The following CLIC5 variants were observed in gnomAD, a reference collection of about 807,000 sequenced individuals.
CLIC5 encodes CLIC family member 5, also known as chloride intracellular channel protein 5.
A neutral mutation model predicts 24.7 loss-of-function variants in CLIC5; 20 were observed. That is an observed-to-expected ratio of 0.81 (90% CI 0.57 to 1.18). CLIC5 has a LOEUF of 1.18. CLIC5 is among the 50% of genes most tolerant of loss of function. The pLI, the probability that CLIC5 is intolerant of heterozygous loss-of-function variation, is 0.00. For synonymous variants in CLIC5, 159 were observed against 135.6 expected (o/e 1.17, Z -1.20); for missense variants, 341 against 326.1 (o/e 1.05, Z -0.35).
At position 45,983,019 on chromosome 6, in the gene CLIC5, A is replaced by C. The variant is rs7760252; in HGVS notation, c.64-27775T>G. Reference sequence around the variant, plus strand: ...TTACTAAGGCTGGTTGCCTACTTTTATGAGCTGCACAGGGAAAAGGCCACA... The same window carrying C: ...TTACTAAGGCTGGTTGCCTACTTTTCTGAGCTGCACAGGGAAAAGGCCACA... On this transcript the variant is annotated intron_variant, in intron 1 of 5. Transcript: ENST00000339561. 6.4e-3 allele frequency among the ~76,000 whole-genome samples: 968 copies of C among 152,332 alleles called. 10 individuals are homozygous for C. Among genetic ancestry groups the C allele is most frequent in the African/African-American group, 0.022 (895 of 41,572 alleles).
At chr6:46,011,458 G>A (rs1766806571) in intron 1 of CLIC5, among the ~76,000 whole-genome samples, 2 of 152,190 alleles carry the variant, frequency 1.3e-5, no homozygotes, top group East Asian at 1.9e-4. Context: ...TTGTTTCAGG[G>A]TCCCACCCAC....
intron 5 of CLIC5, 61 bp downstream of exon 5, chr6:45,914,167 G>A: frequency 5.0e-6 from 7 of 1,387,690 alleles, no homozygotes; most frequent in Non-Finnish European, 6.7e-6. Context: ...CATCCACACA[G>A]GTGACCTGGG....
intron 4 of CLIC5, among the ~76,000 whole-genome samples, chr6:45,939,179 C>T (rs2127363315): frequency 6.6e-6 from 1 of 151,564 alleles, no homozygotes; most frequent in South Asian, 2.1e-4. Flanking sequence ...CTTCACATGG[C>T]CTTCTCTCCT....
intron 1 of CLIC5, among the ~76,000 whole-genome samples, chr6:45,995,460 T>C (rs1766098977): frequency 6.6e-6 from 1 of 152,202 alleles, no homozygotes; most frequent in Admixed American, 6.5e-5. Flanking sequence ...CACAGTGTGA[T>C]CTGCTTTACG....
At chr6:46,062,434 A>G (rs1272236842) in intron 1 of CLIC5, among the ~76,000 whole-genome samples, 1 of 152,206 alleles carries the variant, frequency 6.6e-6, no homozygotes, top group Non-Finnish European at 1.5e-5. Flanking sequence ...TATTTATTTA[A>G]GCTGTTGCCA....
intron 1 of CLIC5, among the ~76,000 whole-genome samples, chr6:46,046,336 C>T (rs1436832876): frequency 1.3e-5 from 2 of 152,156 alleles, no homozygotes; most frequent in East Asian, 3.8e-4. Flanking sequence ...ACAGTAAAAT[C>T]AACAGCAAAA....
the CLIC5 span, among the ~76,000 whole-genome samples, chr6:46,087,731 T>C: frequency 6.6e-6 from 1 of 152,216 alleles, no homozygotes; most frequent in East Asian, 1.9e-4. Context: ...AACCTGCTGA[T>C]ACCTGATATC....
chr6:45,923,015 C>T (rs1763336699), intron 4 of CLIC5, among the ~76,000 whole-genome samples: 1 of 152,078 alleles, frequency 6.6e-6, no homozygotes, highest in African/African-American at 2.4e-5. Flanking sequence ...CAAAAAACTC[C>T]CCAAAAACCT....
At chr6:45,917,342 G>A (rs1273693342) in intron 4 of CLIC5, among the ~76,000 whole-genome samples, 4 of 152,188 alleles carry the variant, frequency 2.6e-5, no homozygotes, top group Non-Finnish European at 5.9e-5. Flanking sequence ...ATTAATGGTA[G>A]TTGTTGCTAT....
In CLIC5 at chr6:45,886,585, AGCCAAGTGC is replaced by A. The variant is rs1330399534; in HGVS notation, c.624-5406_624-5398del. 4.6e-5 allele frequency among the ~76,000 whole-genome samples: 7 copies of A among 152,326 alleles called. No individual in the cohort carries two copies. In the East Asian group the frequency reaches 1.4e-3, roughly 29 times the overall value. On this transcript the variant is annotated intron_variant, in intron 6 of 6. Coordinates refer to the CLIC5 transcript ENST00000644324. ...GTTTGATTTATGCTTTTTGAGGATT[AGCCAAGTGC>A]CCCAATGCCAAATCCGTGATCACCT...
chr6:46,108,954 T>A, the CLIC5 span, among the ~76,000 whole-genome samples: 1 of 152,302 alleles, frequency 6.6e-6, no homozygotes. Flanking sequence ...TATGTTAAAG[T>A]GATATGGCAA....
At chr6:45,956,729 T>G (rs1327136289) in intron 1 of CLIC5, among the ~76,000 whole-genome samples, 1 of 152,198 alleles carries the variant, frequency 6.6e-6, no homozygotes, top group Non-Finnish European at 1.5e-5. Context: ...ATTACAGTTA[T>G]TTTACCTCCC....
At chr6:45,965,940 T>C (rs1357210568) in intron 1 of CLIC5, among the ~76,000 whole-genome samples, 1 of 152,354 alleles carries the variant, frequency 6.6e-6, no homozygotes, top group Middle Eastern at 3.4e-3. Flanking sequence ...GCTCTGCTAC[T>C]CCTACAAAGG....
At chr6:45,912,087 A>T (rs1762842432) in intron 5 of CLIC5, 1 of 986,122 alleles carries the variant, frequency 1.0e-6, no homozygotes, top group South Asian at 4.7e-5. Flanking sequence ...TTCCATGCTC[A>T]TGTTCTGAAT....
chr6:45,911,375 A>G (rs973683876), intron 5 of CLIC5, among the ~76,000 whole-genome samples: 3 of 152,142 alleles, frequency 2.0e-5, no homozygotes, highest in African/African-American at 4.8e-5. Flanking sequence ...AGCTCTCACA[A>G]TGAGAGATGC....
upstream of CLIC5, among the ~76,000 whole-genome samples, chr6:46,081,991 A>G (rs1037099823): frequency 6.6e-6 from 1 of 152,228 alleles, no homozygotes; most frequent in East Asian, 1.9e-4. Flanking sequence ...ATCTGTTTGC[A>G]TATTGTATAT....
chr6:45,985,306 C>T (rs945672522), intron 1 of CLIC5, among the ~76,000 whole-genome samples: 7 of 152,166 alleles, frequency 4.6e-5, no homozygotes, highest in Non-Finnish European at 1.0e-4. Flanking sequence ...TTCATTCTAC[C>T]TTCAGGGTTT....
chr6:45,910,760 G>A (rs144107651), intron 5 of CLIC5, among the ~76,000 whole-genome samples: 146 of 152,288 alleles, frequency 9.6e-4, no homozygotes, highest in African/African-American at 2.9e-3. Flanking sequence ...GGCTAGGACT[G>A]AGCAGATCAC....
rs1450465158 is a variant in CLIC5 at position 45,930,730 on chromosome 6, A to G, written c.406+10817T>C. ...TGTGAAATTAATAGCAGCAGCAGCA[A>G]CAGCAGCAGCAATAGCTATCACATA... is the stretch of plus-strand genomic sequence containing the variant. On this transcript the variant is annotated intron_variant, in intron 4 of 5. Coordinates refer to ENST00000339561, the MANE Select transcript of CLIC5 (RefSeq NM_016929.5). Among the ~76,000 whole-genome samples, 8 of 152,330 alleles carry G rather than the reference A, an allele frequency of 5.3e-5. No homozygotes were observed. The East Asian group carries it at 1.5e-3, about 29-fold the overall frequency.
Sources: allele counts gnomAD v4.1 joint callset (sites outside exome capture counted in the v4.1 genomes callset), GRCh38; gene constraint gnomAD v4.1.1; transcripts MANE v1.5; gene names NCBI Gene and HGNC (gene_info 2026-07-23, HGNC 2026-07-21).